Variants in DEAF1 observed in about 807,000 individuals in gnomAD.
The protein encoded by DEAF1 is DEAF1 transcription factor.
A neutral mutation model predicts 58.9 loss-of-function variants in DEAF1; 53 were observed. That is an observed-to-expected ratio of 0.90 (90% CI 0.72 to 1.13). The LOEUF (loss-of-function observed/expected upper bound fraction) is 1.13. Among genes scored for constraint, DEAF1 ranks in the 50% most tolerant of loss-of-function variants. The pLI is 0.00. For missense variants in DEAF1, 685 were observed against 791.4 expected, an observed-to-expected ratio of 0.87 and a Z score of 1.61; for synonymous variants, 385 against 340.4, an observed-to-expected ratio of 1.13 and a Z score of -1.44.
At chr11:689,454 G>T (rs1257162524) in intron 2 of DEAF1, among the ~76,000 whole-genome samples, 1 of 151,768 alleles carries the variant, frequency 6.6e-6, no homozygotes, top group East Asian at 1.9e-4. Context: ...CTCATGATCT[G>T]CCCATCTCGG....
chr11:680,851 C>T (rs774226043), intron 7 of DEAF1, 112 bp downstream of exon 7: 13 of 1,496,344 alleles, frequency 8.7e-6, no homozygotes, highest in Non-Finnish European at 1.0e-5. Flanking sequence ...CCTCTGGCCA[C>T]GCAATGTGCT....
At chr11:691,729 C>T (rs550849680) in intron 1 of DEAF1, 131 bp from the exon 2 acceptor site, 2 of 752,428 alleles carry the variant, frequency 2.7e-6, no homozygotes, top group Admixed American at 4.0e-5. Flanking sequence ...AAGATCTTAA[C>T]ACTTCCATGA....
chr11:676,814 C>A (rs1032469700), intron 9 of DEAF1, among the ~76,000 whole-genome samples: 23 of 152,202 alleles, frequency 1.5e-4, no homozygotes, highest in African/African-American at 5.5e-4. Context: ...GGGTTTCTTA[C>A]AATTGGAGAA....
At chr11:699,210 T>C, upstream of DEAF1, 1 of 430,378 alleles carries the variant, frequency 2.3e-6, no homozygotes, top group Non-Finnish European at 4.2e-6. Flanking sequence ...CTAGATTCAT[T>C]TTATTTTATT....
intron 9 of DEAF1, among the ~76,000 whole-genome samples, chr11:675,589 G>A (rs917640985): frequency 5.9e-5 from 9 of 152,284 alleles, no homozygotes; most frequent in African/African-American, 1.4e-4. Flanking sequence ...TTGGGAGGCC[G>A]AGGCGGGCAG....
chr11:659,037 A>C (rs1261405266), intron 10 of DEAF1, among the ~76,000 whole-genome samples: 2 of 152,222 alleles, frequency 1.3e-5, no homozygotes, highest in Non-Finnish European at 2.9e-5. Flanking sequence ...TCTAACTATC[A>C]AAGAATAAGT....
intron 4 of DEAF1, 51 bp from the exon 5 acceptor site, chr11:687,048 T>C: frequency 6.2e-7 from 1 of 1,611,424 alleles, no homozygotes; most frequent in Non-Finnish European, 8.5e-7. Context: ...ACGTCACCTC[T>C]GCCATTGCCT....
chr11:706,175 C>G (rs1245609794), intron 1 of DEAF1: 3 of 152,102 alleles, frequency 2.0e-5, no homozygotes, highest in Admixed American at 2.0e-4. Flanking sequence ...CGGCCCGGCC[C>G]CGCCGAGCGT....
intron 11 of DEAF1, among the ~76,000 whole-genome samples, chr11:645,197 G>A (rs1305024116): frequency 1.3e-5 from 2 of 151,094 alleles, no homozygotes; most frequent in African/African-American, 2.4e-5. Context: ...AACAAACCAG[G>A]GTAAGACTCT....
In DEAF1 at chr11:684,937, G is replaced by C; in HGVS notation, c.831C>G (p.Ala277=). 1 of 1,551,622 alleles carries C rather than the reference G, an allele frequency of 6.4e-7. No homozygotes were observed. The highest frequency in any genetic ancestry group is 1.4e-5 in the African/African-American group (1 of 73,164). The change falls in exon 6 of 12, where the codon GCC becomes GCG. Residue 277 remains alanine, a synonymous_variant. Coordinates refer to ENST00000382409, the MANE Select transcript of DEAF1 (RefSeq NM_021008.4). ...CGCAGCAGGCAGCACAGGTGCAAGA[G>C]GCAGCGTGAGGGTTTAAGATCCCAT... The part of the protein sequence containing the change: ...IQDGILNPHA[A]SCTCAACCDD...
At position 644,271 on chromosome 11, in the gene DEAF1, G is replaced by T. The variant is rs896434325; in HGVS notation, c.*279C>A. ...CTTTATTGACAGACACAACACGTAT[G>T]TATGTGCGTCGCAGCACAGGCCCTG... On this transcript the variant is annotated 3_prime_UTR_variant, in exon 12 of 12. Coordinates refer to ENST00000382409, the MANE Select transcript of DEAF1 (RefSeq NM_021008.4). The surrounding 1 kb of genome is among the most constrained non-coding windows in gnomAD (Gnocchi z 4.3). 8.4e-5 allele frequency: 46 copies of T among 549,408 alleles called. No homozygotes were observed. Among genetic ancestry groups the T allele is most frequent in the Non-Finnish European group, 1.2e-4 (37 of 303,322 alleles). 34.0% of individuals were successfully genotyped at this position (549,408 alleles called of 1,614,324 possible).
At chr11:670,767 TTTTG>T (rs1460485096) in intron 10 of DEAF1, among the ~76,000 whole-genome samples, 1 of 76,912 alleles carries the variant, frequency 1.3e-5, no homozygotes, top group Non-Finnish European at 2.6e-5. Flanking sequence ...TCTTTTTTCT[TTTTG>T]TTTTTGTTTT....
chr11:696,817 C>A (rs1047936493), upstream of DEAF1, among the ~76,000 whole-genome samples: 3 of 16,726 alleles, frequency 1.8e-4, no homozygotes, highest in Non-Finnish European at 4.8e-4. Flanking sequence ...CAGTAGCTCA[C>A]GCCTGTAATC....
chr11:648,137 G>A (rs72479388), intron 11 of DEAF1, among the ~76,000 whole-genome samples: 11,876 of 151,660 alleles, frequency 0.078, 635 homozygotes, highest in Admixed American at 0.18. Flanking sequence ...GCATAAACTC[G>A]TGTATACTTT....
intron 1 of DEAF1, chr11:704,439 C>G: frequency 7.8e-7 from 1 of 1,287,896 alleles, no homozygotes; most frequent in Non-Finnish European, 1.0e-6. Flanking sequence ...CTGTGGCCCC[C>G]AGTGGCCACG....
At chr11:678,330 A>G in intron 9 of DEAF1, 1 of 286,056 alleles carries the variant, frequency 3.5e-6, no homozygotes, top group South Asian at 3.6e-5. Context: ...CAGATACCGA[A>G]TGTCTATGCC....
At chr11:656,631 G>A (rs1193373384) in intron 10 of DEAF1, among the ~76,000 whole-genome samples, 2 of 152,232 alleles carry the variant, frequency 1.3e-5, no homozygotes, top group East Asian at 3.8e-4. Context: ...TGGCGGGAGC[G>A]TGGTCACTGT....
chr11:682,546 GCTCT>G, intron 6 of DEAF1, among the ~76,000 whole-genome samples: 1 of 152,234 alleles, frequency 6.6e-6, no homozygotes, highest in South Asian at 2.1e-4. Context: ...GGGCTTTGGA[GCTCT>G]CTGTTCTTAC....
Position 647,699 on chromosome 11 carries a change from G to A in DEAF1, c.1594-3045C>T, listed in dbSNP as rs557886769. Among the ~76,000 whole-genome samples, 215 of 152,284 alleles carry A rather than the reference G, an allele frequency of 1.4e-3. 1 individual carries two copies. The highest frequency in any genetic ancestry group is 4.7e-3 in the African/African-American group (195 of 41,566). ...AGCAGCTGATACAGGTGAGGGCGAC[G>A]GGCCTCTCCTGGGCGATCCAACTCA... On this transcript the variant is annotated intron_variant, in intron 11 of 11. Transcript: ENST00000382409.
Sources: gnomAD v4.1 joint callset for allele counts (sites outside exome capture counted in the v4.1 genomes callset) on GRCh38, gnomAD v4.1.1 for gene constraint, Gnocchi (gnomAD v3.1) non-coding constraint, MANE v1.5 for transcripts, NCBI Gene and HGNC (gene_info 2026-07-23, HGNC 2026-07-21) for gene names.